Variants in LRRIQ1 observed in about 807,000 individuals in gnomAD.
LRRIQ1 encodes the protein leucine rich repeats and IQ motif containing 1.
Under a neutral mutation model 211.9 loss-of-function variants are expected in LRRIQ1, and 210 were observed. That is an observed-to-expected ratio of 0.99 (90% CI 0.89 to 1.11). The LOEUF (loss-of-function observed/expected upper bound fraction) is 1.11. Among genes scored for constraint, LRRIQ1 ranks in the 50% most tolerant of loss-of-function variants. The probability of loss-of-function intolerance (pLI) is 0.00; values close to 1 mark genes in which losing one functional copy is unlikely to be tolerated. For missense variants in LRRIQ1, 2,136 were observed against 1,939.5 expected, an observed-to-expected ratio of 1.10 and a Z score of -1.90; for synonymous variants, 699 against 650.1, an observed-to-expected ratio of 1.08 and a Z score of -1.14.
chr12:85,099,996 T>C (rs1268171321), intron 13 of LRRIQ1, among the ~76,000 whole-genome samples: 1 of 151,848 alleles, frequency 6.6e-6, no homozygotes, highest in Non-Finnish European at 1.5e-5. Context: ...GCCAGCTCCA[T>C]CAGATAATAC....
In LRRIQ1 at chr12:85,057,395, T is replaced by C. The variant is rs538494854; in HGVS notation, c.2391+211T>C. 9.9e-5 allele frequency among the ~76,000 whole-genome samples: 15 copies of C among 152,088 alleles called. No homozygotes were observed. The East Asian group carries it at 2.9e-3, about 29-fold the overall frequency. On this transcript the variant is annotated intron_variant, in intron 8 of 26. Coordinates refer to ENST00000393217, the MANE Select transcript of LRRIQ1 (RefSeq NM_001079910.2). ...CCCTAAGTGACACTCTATAAAAAGC[T>C]TTGATTTATATTTTTTAATATCTTG...
At chr12:85,094,454 A>G (rs942866125) in intron 11 of LRRIQ1, among the ~76,000 whole-genome samples, 4 of 152,094 alleles carry the variant, frequency 2.6e-5, no homozygotes, top group Non-Finnish European at 5.9e-5. Context: ...GACCACTGCT[A>G]TATCCTGTCC....
rs1565834052 is a variant in LRRIQ1 at position 85,102,951 on chromosome 12, A to ATATATATATATATAT, written c.3210-1053_3210-1052insTATATATATATATAT. 2.0e-3 allele frequency among the ~76,000 whole-genome samples: 237 copies of ATATATATATATATAT among 116,738 alleles called. 6 individuals carry two copies. The highest frequency in any genetic ancestry group is 0.013 in the East Asian group (45 of 3,338). The allele number at this position is 116,738 out of a possible 152,430, so 76.6% of individuals were successfully genotyped here. A position where few individuals can be genotyped will look rare whatever the true frequency, so the allele number is the denominator to read the frequency against. On this transcript the variant is annotated intron_variant, in intron 13 of 26. Transcript: ENST00000393217. Reference sequence around the variant, plus strand: ...AGGCTTTTCTAATTGTGGCAAAAAAAAAAAAAAAATATATATATATATATA... The same window carrying ATATATATATATATAT: ...AGGCTTTTCTAATTGTGGCAAAAAAATATATATATATATATAAAAAAAAATATATATATATATATA...
At position 85,110,383 on chromosome 12, in the gene LRRIQ1, A is replaced by G. The variant is rs1221455; in HGVS notation, c.3377+3768A>G. On this transcript the variant is annotated intron_variant, in intron 15 of 26. Transcript: ENST00000393217. ...AACACTGTTCTCATTTAATCTATAC[A>G]ATATGCCTAATAATTATGTATGTAA... Among the ~76,000 whole-genome samples, 677 of 152,242 alleles carry G rather than the reference A, an allele frequency of 4.4e-3. 2 individuals are homozygous for G. The highest frequency in any genetic ancestry group is 0.016 in the African/African-American group (644 of 41,536).
At chr12:85,128,672 G>A (rs984029986) in intron 18 of LRRIQ1, among the ~76,000 whole-genome samples, 5 of 152,202 alleles carry the variant, frequency 3.3e-5, no homozygotes, top group African/African-American at 1.2e-4. Context: ...AGCCAAAGCA[G>A]GTCTTGCTTG....
chr12:85,139,383 G>A (rs561642525), intron 19 of LRRIQ1, among the ~76,000 whole-genome samples: 1 of 151,538 alleles, frequency 6.6e-6, no homozygotes, highest in East Asian at 1.9e-4. Flanking sequence ...ACAATAACTG[G>A]TCTAATTTAT....
chr12:85,057,440 C>A (rs1881257149), intron 8 of LRRIQ1, among the ~76,000 whole-genome samples: 1 of 151,950 alleles, frequency 6.6e-6, no homozygotes, highest in Non-Finnish European at 1.5e-5. Context: ...TTCAAGGGCC[C>A]TCCAGTCATT....
Position 85,154,093 on chromosome 12 carries a change from A to G in LRRIQ1, c.4719A>G (p.Ile1573Met), listed in dbSNP as rs1890404716. ...AATCGAAGAAACTAAAGAAAAAAAT[A>G]GGTGAGTAATTAGTGCTCTTTGAAT... is the stretch of plus-strand genomic sequence containing the variant. ...KMKSKKLKKK[I>M]DSTVRLALFK... is the part of the protein sequence containing the mutation. Residue 1573 changes from isoleucine (I) to methionine (M), a missense_variant and splice_region_variant, in exon 23 of 27, where the codon ATA becomes ATG. Ile to Met is a conservative substitution (Grantham distance 10). Transcript: ENST00000393217. 1 of 1,543,706 alleles carries G rather than the reference A, an allele frequency of 6.5e-7. No individual in the cohort carries two copies. The highest frequency in any genetic ancestry group is 1.2e-5 in the South Asian group (1 of 80,474).
intron 19 of LRRIQ1, among the ~76,000 whole-genome samples, chr12:85,141,841 C>T (rs1246440409): frequency 1.3e-5 from 2 of 149,648 alleles, no homozygotes; most frequent in African/African-American, 4.9e-5. Flanking sequence ...TTTTTATTAC[C>T]CTCTTTTGCA....
chr12:85,098,736 CTT>C, intron 12 of LRRIQ1, 129 bp from the exon 13 acceptor site: 4 of 723,058 alleles, frequency 5.5e-6, no homozygotes, highest in East Asian at 2.9e-5. Context: ...TTTAAAAAGT[CTT>C]ATACCTTATG....
intron 11 of LRRIQ1, among the ~76,000 whole-genome samples, chr12:85,092,491 A>C (rs966700445): frequency 6.6e-6 from 1 of 152,338 alleles, no homozygotes; most frequent in African/African-American, 2.4e-5. Flanking sequence ...AAACCGTGAA[A>C]GACTCTTCAA....
Position 85,174,701 on chromosome 12 carries a change from C to CAAAAAAAAAAAAAAAAAAAAAAAA in LRRIQ1, c.4822+14009_4822+14010insAAAAAAAAAAAAAAAAAAAAAAAA, listed in dbSNP as rs71076115. On this transcript the variant is annotated intron_variant, in intron 24 of 26. Transcript: ENST00000393217. The stretch of plus-strand genomic sequence containing the variant: ...TGGGTGACAGAGCAAGAGTACAGCT[C>CAAAAAAAAAAAAAAAAAAAAAAAA]AAAAAAAAAAAAAAAAAAAAAATCT... Among the ~76,000 whole-genome samples the CAAAAAAAAAAAAAAAAAAAAAAAA allele has an allele frequency of 1.9e-3, 41 of 21,590 alleles. 3 individuals carry two copies. Among genetic ancestry groups the CAAAAAAAAAAAAAAAAAAAAAAAA allele is most frequent in the Non-Finnish European group, 2.3e-3 (30 of 12,944 alleles). The allele number at this position is 21,590 out of a possible 152,430, so 14.2% of individuals were successfully genotyped here. A position where few individuals can be genotyped will look rare whatever the true frequency, so the allele number is the denominator to read the frequency against.
chr12:85,170,871 A>G (rs188219624), intron 24 of LRRIQ1, among the ~76,000 whole-genome samples: 4 of 152,216 alleles, frequency 2.6e-5, no homozygotes, highest in East Asian at 1.9e-4. Context: ...TTACTTGCCT[A>G]GGTCAACTGG....
rs114911469 is a variant in LRRIQ1, at chr12:85,131,292, C to T, written c.4209+3259C>T. On this transcript the variant is annotated intron_variant, in intron 18 of 26. Coordinates refer to ENST00000393217, the MANE Select transcript of LRRIQ1 (RefSeq NM_001079910.2). ...CCCCATAAAATCTCCCACAGACACT[C>T]CTTCATTTCATTTTCCCTTTCTGAT... 9.8e-4 allele frequency among the ~76,000 whole-genome samples: 149 copies of T among 152,068 alleles called. 1 individual carries two copies. The highest frequency in any genetic ancestry group is 3.5e-3 in the African/African-American group (146 of 41,502).
chr12:85,066,937 C>T (rs751714143), intron 10 of LRRIQ1, 39 bp downstream of exon 10: 11 of 1,164,248 alleles, frequency 9.4e-6, no homozygotes, highest in Admixed American at 2.8e-5. Flanking sequence ...AGATATATTT[C>T]TCATAATTTA....
intron 24 of LRRIQ1, among the ~76,000 whole-genome samples, chr12:85,193,769 G>T (rs1592949775): frequency 6.7e-6 from 1 of 148,988 alleles, no homozygotes. Flanking sequence ...ATCAACTAAC[G>T]AGCAAAATAA....
At chr12:85,244,714 G>A in intron 26 of LRRIQ1, 75 bp from the exon 27 acceptor site, 2 of 1,243,916 alleles carry the variant, frequency 1.6e-6, no homozygotes, top group East Asian at 2.4e-5. Flanking sequence ...TGTTTATTTG[G>A]GGTAATGTGA....
intron 24 of LRRIQ1, among the ~76,000 whole-genome samples, chr12:85,205,192 G>A (rs1013175033): frequency 1.3e-5 from 2 of 152,140 alleles, no homozygotes; most frequent in African/African-American, 4.8e-5. Context: ...CTCCATGATT[G>A]TGAGGCTTCC....
chr12:85,253,087 C>T (rs1443088318), intron 1 of LRRIQ1, among the ~76,000 whole-genome samples: 1 of 151,784 alleles, frequency 6.6e-6, no homozygotes, highest in Non-Finnish European at 1.5e-5. Context: ...CTTTTTTTCT[C>T]TCTCTGAAAG....
Sources: gnomAD v4.1 joint callset for allele counts (sites outside exome capture counted in the v4.1 genomes callset) on GRCh38, gnomAD v4.1.1 for gene constraint, MANE v1.5 for transcripts, NCBI Gene and HGNC (gene_info 2026-07-23, HGNC 2026-07-21) for gene names.